The following ANKRD12 variants were observed in gnomAD, a reference collection of about 807,000 sequenced individuals.
ANKRD12 encodes ankyrin repeat domain 12.
Under a neutral mutation model 183.4 loss-of-function variants are expected in ANKRD12, and 85 were observed. The ratio of observed to expected loss-of-function variants is 0.46; its 90% confidence interval spans 0.39 to 0.56. The LOEUF (loss-of-function observed/expected upper bound fraction) is 0.56. Among genes scored for constraint, ANKRD12 ranks in the 20% least tolerant of loss-of-function variants. ANKRD12 has a pLI of 0.00. For missense variants in ANKRD12, 2,405 were observed against 2,357.1 expected, an observed-to-expected ratio of 1.02 and a Z score of -0.42; for synonymous variants, 914 against 800.2, an observed-to-expected ratio of 1.14 and a Z score of -2.40.
At chr18:9,248,989 C>A (rs150190129) in intron 8 of ANKRD12, among the ~76,000 whole-genome samples, 67 of 152,324 alleles carry the variant, frequency 4.4e-4, no homozygotes, top group African/African-American at 1.4e-3. Context: ...GTATCTCTTT[C>A]TACACTTCTC....
At chr18:9,207,395 T>C (rs558345700) in intron 4 of ANKRD12, among the ~76,000 whole-genome samples, 1 of 152,232 alleles carries the variant, frequency 6.6e-6, no homozygotes, top group African/African-American at 2.4e-5. Context: ...AAATGGACTT[T>C]TTAGGAAATG....
chr18:9,266,733 A>G (rs975771385), intron 10 of ANKRD12, among the ~76,000 whole-genome samples: 3 of 152,162 alleles, frequency 2.0e-5, no homozygotes, highest in African/African-American at 2.4e-5. Flanking sequence ...ACCAGCTAAC[A>G]TCATAATGAC....
intron 8 of ANKRD12, among the ~76,000 whole-genome samples, chr18:9,251,668 C>T (rs943371780): frequency 2.0e-5 from 3 of 152,212 alleles, no homozygotes; most frequent in South Asian, 4.2e-4. Flanking sequence ...GTGGCAGGCG[C>T]CTGTAGTCCC....
intron 8 of ANKRD12, chr18:9,235,718 C>G (rs1344827240): frequency 2.2e-6 from 1 of 455,804 alleles, no homozygotes; most frequent in East Asian, 6.9e-5. Flanking sequence ...TCAGCAAATT[C>G]CAGATTGTGA....
In ANKRD12 at chr18:9,182,495, G is replaced by A; in HGVS notation, c.63G>A (p.Met21Ile). Residue 21 changes from methionine (M) to isoleucine (I), a missense_variant, in exon 2 of 13, where the codon ATG (methionine) becomes ATA (isoleucine). Coordinates refer to ENST00000262126, the MANE Select transcript of ANKRD12 (RefSeq NM_015208.5). The part of the protein sequence containing the change: ...QSENSDSDSN[M>I]VEKPYGRKSK... ...AAAATTCTGACAGTGACAGCAATATGGTAGAGAAACCATATGGAAGAAAGG... is the reference window on the plus strand; with the variant it reads ...AAAATTCTGACAGTGACAGCAATATAGTAGAGAAACCATATGGAAGAAAGG... 1 of 1,608,750 alleles carries A rather than the reference G, an allele frequency of 6.2e-7. No homozygotes were observed. The highest frequency in any genetic ancestry group is 8.5e-7 in the Non-Finnish European group (1 of 1,177,368).
At chr18:9,150,353 C>T (rs575942098) in intron 1 of ANKRD12, among the ~76,000 whole-genome samples, 1 of 152,126 alleles carries the variant, frequency 6.6e-6, no homozygotes, top group East Asian at 1.9e-4. Context: ...TGAGTTCTAC[C>T]CAGAACGCTG....
chr18:9,255,418 C>T lies in ANKRD12; in HGVS notation c.2151C>T (p.Ser717=). Residue 717 remains serine (S), a synonymous_variant, in exon 9 of 13, where the codon TCC becomes TCT. Transcript: ENST00000262126. ...EDLFLNMEHE[S]LTLEKKSKLE... ...TCTTTTTAAATATGGAACATGAATC[C>T]TTAACATTAGAAAAAAAATCAAAAT... 1 of 1,571,138 alleles carries T rather than the reference C, an allele frequency of 6.4e-7. No individual in the cohort carries two copies. The highest frequency in any genetic ancestry group is 8.6e-7 in the Non-Finnish European group (1 of 1,167,484).
At chr18:9,194,802 G>A (rs1217131826) in intron 2 of ANKRD12, among the ~76,000 whole-genome samples, 1 of 152,084 alleles carries the variant, frequency 6.6e-6, no homozygotes, top group Non-Finnish European at 1.5e-5. Flanking sequence ...ATTGTTATTA[G>A]AAGTACCATT....
At chr18:9,195,165 C>T (rs557592518) in intron 2 of ANKRD12, among the ~76,000 whole-genome samples, 19 of 152,182 alleles carry the variant, frequency 1.2e-4, no homozygotes, top group African/African-American at 3.9e-4. Context: ...GAACAGCAGA[C>T]ACTGGGGCTT....
At chr18:9,176,651 ATCT>A (rs1204717894) in intron 1 of ANKRD12, among the ~76,000 whole-genome samples, 1 of 152,172 alleles carries the variant, frequency 6.6e-6, no homozygotes, top group Non-Finnish European at 1.5e-5. Flanking sequence ...GCATCTGTAC[ATCT>A]TCTTTACCCA....
chr18:9,267,612 A>G (rs2039369436), intron 10 of ANKRD12, among the ~76,000 whole-genome samples: 1 of 152,154 alleles, frequency 6.6e-6, no homozygotes, highest in African/African-American at 2.4e-5. Flanking sequence ...TCTGGGACAC[A>G]TTGAAAGCAG....
intron 2 of ANKRD12, among the ~76,000 whole-genome samples, chr18:9,184,355 C>T (rs2033901833): frequency 6.6e-6 from 1 of 151,926 alleles, no homozygotes; most frequent in African/African-American, 2.4e-5. Flanking sequence ...TTCTGTCAGT[C>T]TTTTTTTGAT....
intron 1 of ANKRD12, among the ~76,000 whole-genome samples, chr18:9,143,212 C>G (rs2078379152): frequency 6.7e-6 from 1 of 149,620 alleles, no homozygotes; most frequent in African/African-American, 2.5e-5. Context: ...GTTAAGAAAA[C>G]ACTTCAAAAA....
At position 9,257,682 on chromosome 18, in the gene ANKRD12, A is replaced by T; in HGVS notation, c.4415A>T (p.Glu1472Val). 9 of 1,614,080 alleles carry T rather than the reference A, an allele frequency of 5.6e-6. No individual in the cohort carries two copies. Among genetic ancestry groups the T allele is most frequent in the Non-Finnish European group, 6.8e-6 (8 of 1,179,992 alleles). ...NADFLSLRQTELPGNSCAQDP... is the reference protein window; with the variant it reads ...NADFLSLRQTVLPGNSCAQDP... Reference sequence around the variant, plus strand: ...GATTTTTTATCCCTGCGCCAGACTGAACTGCCAGGAAACTCTTGTGCTCAG... The same window carrying T: ...GATTTTTTATCCCTGCGCCAGACTGTACTGCCAGGAAACTCTTGTGCTCAG... Residue 1472 changes from glutamate to valine, a missense_variant, in exon 9 of 13, where the codon GAA (glutamate) becomes GTA (valine). Coordinates refer to ENST00000262126, the MANE Select transcript of ANKRD12 (RefSeq NM_015208.5).
rs1263483001 is a variant in ANKRD12, at chr18:9,258,235, T to G, written c.4968T>G (p.Asn1656Lys). ...GTGATTCTGATTTATGTGAAATGAA[T>G]GCAGGGATGCCAAAAGGAAACCTAA... is the stretch of plus-strand genomic sequence containing the variant. Reference protein sequence around the residue: ...SRCDSDLCEMNAGMPKGNLNE... With the variant: ...SRCDSDLCEMKAGMPKGNLNE... The change falls in exon 9 of 13, where the codon AAT (asparagine) becomes AAG (lysine). Residue 1656 changes from asparagine to lysine, a missense_variant. This residue lies in a region of ANKRD12 where 1,983 missense variants were observed against 1,725.9 expected (regional missense o/e 1.15). Coordinates refer to ENST00000262126, the MANE Select transcript of ANKRD12 (RefSeq NM_015208.5). The G allele has an allele frequency of 6.2e-7, 1 of 1,613,836 alleles. No individual in the cohort carries two copies. Among genetic ancestry groups the G allele is most frequent in the South Asian group, 1.1e-5 (1 of 91,078 alleles).
intron 1 of ANKRD12, among the ~76,000 whole-genome samples, chr18:9,171,617 A>C (rs554370219): frequency 4.3e-4 from 66 of 152,132 alleles, no homozygotes; most frequent in South Asian, 6.2e-4. Flanking sequence ...GAGCTCTTTC[A>C]AGACAATGAT....
At position 9,284,892 on chromosome 18, in the gene ANKRD12, A is replaced by G. The variant is rs1285275343; in HGVS notation, c.*3766A>G. 6.6e-6 allele frequency: 1 copy of G among 152,244 alleles called. No homozygotes were observed. Among genetic ancestry groups the G allele is most frequent in the East Asian group, 1.9e-4 (1 of 5,198 alleles). The allele number at this position is 152,244 out of a possible 1,614,324, so 9.4% of individuals were successfully genotyped here. On this transcript the variant is annotated 3_prime_UTR_variant, in exon 13 of 13. Transcript: ENST00000262126. ...ACTGCAAATAAAAGTTTTTTTGTACATGGACAGCGTCCTCATAAAAGAAAA... is the reference window on the plus strand; with the variant it reads ...ACTGCAAATAAAAGTTTTTTTGTACGTGGACAGCGTCCTCATAAAAGAAAA...
chr18:9,254,032 C>T (rs1240243370), intron 8 of ANKRD12, among the ~76,000 whole-genome samples, 179 bp from the exon 9 acceptor site: 2 of 152,178 alleles, frequency 1.3e-5, no homozygotes, highest in Non-Finnish European at 2.9e-5. Context: ...AGCTGTTCTA[C>T]AACACTATCA....
chr18:9,213,055 A>T (rs559431357), intron 6 of ANKRD12, among the ~76,000 whole-genome samples: 1 of 151,824 alleles, frequency 6.6e-6, no homozygotes, highest in Admixed American at 6.6e-5. Flanking sequence ...ATTGTACTAC[A>T]GTTTTCATCT....
Sources: allele counts gnomAD v4.1 joint callset (sites outside exome capture counted in the v4.1 genomes callset), GRCh38; gene constraint gnomAD v4.1.1; regional missense constraint gnomAD v4.1.1; transcripts MANE v1.5; gene names NCBI Gene and HGNC (gene_info 2026-07-23, HGNC 2026-07-21).